COL4A3: variants seen among roughly 807,000 people sequenced by gnomAD.
COL4A3 encodes collagen type IV alpha 3 chain.
A neutral mutation model predicts 217.4 loss-of-function variants in COL4A3; 135 were observed. The ratio of observed to expected loss-of-function variants is 0.62; its 90% CI spans 0.54 to 0.72. The LOEUF is 0.72. Among genes scored for constraint, COL4A3 ranks in the 30% least tolerant of loss-of-function variants. The probability of loss-of-function intolerance (pLI) is 0.00; values close to 1 mark genes in which losing one functional copy is unlikely to be tolerated. For synonymous variants in COL4A3, 690 were observed against 736.3 expected (o/e 0.94, Z 1.02); for missense variants, 1,868 against 2,119.9 (o/e 0.88, Z 2.33).
intron 1 of COL4A3, among the ~76,000 whole-genome samples, chr2:227,184,727 A>C (rs2065961429): frequency 2.6e-5 from 4 of 152,184 alleles, no homozygotes; most frequent in Admixed American, 2.6e-4. Flanking sequence ...ACATAACAAA[A>C]TTTGATTATG....
In COL4A3 at chr2:227,164,718, G is replaced by C; in HGVS notation, c.-9G>C. 6.5e-7 allele frequency: 1 copy of C among 1,530,566 alleles called. No homozygotes were observed. Among genetic ancestry groups the C allele is most frequent in the Non-Finnish European group, 8.7e-7 (1 of 1,145,232 alleles). The allele number at this position is 1,530,566 out of a possible 1,614,324, so 94.8% of individuals were successfully genotyped here. A position where few individuals can be genotyped will look rare whatever the true frequency, so the allele number is the denominator to read the frequency against. ...CCGGACTCGCCCAGGCTCTGAGCGC[G>C]CGCCCACCATGAGCGCCCGGACCGC... On this transcript the variant is annotated 5_prime_UTR_variant, in exon 1 of 52. Transcript: ENST00000396578. This position sits in a 1 kb window ranked among gnomAD's most constrained non-coding sequence, Gnocchi z 4.8.
intron 1 of COL4A3, among the ~76,000 whole-genome samples, chr2:227,194,426 G>A: frequency 6.6e-6 from 1 of 152,062 alleles, no homozygotes; most frequent in Non-Finnish European, 1.5e-5. Flanking sequence ...GCCCTGCAGG[G>A]AGGGAGCCAG....
intron 1 of COL4A3, among the ~76,000 whole-genome samples, chr2:227,195,337 C>G (rs560943966): frequency 1.2e-3 from 190 of 152,136 alleles, no homozygotes; most frequent in African/African-American, 4.4e-3. Flanking sequence ...AATAAAAACT[C>G]AGTATAATCA....
chr2:227,284,388 C>A (rs1489920733), intron 34 of COL4A3, 43 bp downstream of exon 34: 1 of 1,595,118 alleles, frequency 6.3e-7, no homozygotes, highest in East Asian at 2.2e-5. Flanking sequence ...AGAGCTGATT[C>A]TCAGGCTAAT....
At chr2:227,215,407 A>G (rs2067488224) in intron 1 of COL4A3, among the ~76,000 whole-genome samples, 1 of 152,100 alleles carries the variant, frequency 6.6e-6, no homozygotes, top group African/African-American at 2.4e-5. Flanking sequence ...CTGTATTGAT[A>G]TGGCACAAGG....
At chr2:227,185,225 G>A (rs1378164362) in intron 1 of COL4A3, among the ~76,000 whole-genome samples, 2 of 152,242 alleles carry the variant, frequency 1.3e-5, no homozygotes, top group Non-Finnish European at 2.9e-5. Flanking sequence ...GCATTAGGTT[G>A]CAATTCTTTT....
intron 34 of COL4A3, among the ~76,000 whole-genome samples, chr2:227,285,277 T>TA (rs764697409): frequency 0.064 from 4,651 of 72,322 alleles, 472 homozygotes; most frequent in East Asian, 0.15. Context: ...CTGCCAAACC[T>TA]AAAAAAAAAA....
intron 1 of COL4A3, among the ~76,000 whole-genome samples, chr2:227,182,295 C>T (rs536223630): frequency 5.8e-4 from 89 of 152,308 alleles, no homozygotes; most frequent in Non-Finnish European, 9.1e-4. Flanking sequence ...CACCCACTCA[C>T]GACAGCTATG....
At chr2:227,248,261 G>C (rs2069472481) in intron 8 of COL4A3, 182 bp from the exon 9 acceptor site, 1 of 597,300 alleles carries the variant, frequency 1.7e-6, no homozygotes. Flanking sequence ...TTTGATTTTA[G>C]AAAATATGAA....
At chr2:227,229,418 A>C (rs1487701947) in intron 1 of COL4A3, among the ~76,000 whole-genome samples, 1 of 152,224 alleles carries the variant, frequency 6.6e-6, no homozygotes, top group Admixed American at 6.5e-5. Context: ...AATATGAGTT[A>C]ATTCATTTAT....
chr2:227,238,070 G>T, intron 2 of COL4A3, 46 bp downstream of exon 2: 1 of 1,291,352 alleles, frequency 7.7e-7, no homozygotes, highest in South Asian at 1.2e-5. Context: ...TAAAGCTCTA[G>T]AAGGTAAAAC....
At chr2:227,263,703 C>T in intron 20 of COL4A3, 77 bp from the exon 21 acceptor site, 1 of 1,372,700 alleles carries the variant, frequency 7.3e-7, no homozygotes, top group South Asian at 1.3e-5. Context: ...AAAATTAAAT[C>T]ACTCTTGCAA....
intron 5 of COL4A3, chr2:227,245,653 T>A: frequency 2.2e-6 from 1 of 459,414 alleles, no homozygotes; most frequent in Non-Finnish European, 4.0e-6. Context: ...TTTCCTCTTC[T>A]TTTTCCCTTC....
chr2:227,231,900 T>A (rs1197283085), intron 1 of COL4A3, among the ~76,000 whole-genome samples: 1 of 77,140 alleles, frequency 1.3e-5, no homozygotes, highest in African/African-American at 4.5e-5. Flanking sequence ...CCAAATAGTC[T>A]TATTCATTCT....
chr2:227,212,761 G>C (rs192141671), intron 1 of COL4A3, among the ~76,000 whole-genome samples: 98 of 152,278 alleles, frequency 6.4e-4, no homozygotes, highest in African/African-American at 2.1e-3. Context: ...CATTTTTTAT[G>C]ACTCTTGGAC....
chr2:227,237,427 T>C (rs1017855505), intron 1 of COL4A3, among the ~76,000 whole-genome samples: 6 of 152,162 alleles, frequency 3.9e-5, no homozygotes, highest in Non-Finnish European at 8.8e-5. Context: ...GGCAAAAAAA[T>C]TGTCCAAGTA....
At chr2:227,261,851 G>A (rs981902591) in intron 20 of COL4A3, among the ~76,000 whole-genome samples, 12 of 152,130 alleles carry the variant, frequency 7.9e-5, no homozygotes, top group Non-Finnish European at 5.9e-5. Flanking sequence ...CTAAACTTTC[G>A]TCTCTGACTC....
At chr2:227,172,012 G>A (rs1295039986) in intron 1 of COL4A3, among the ~76,000 whole-genome samples, 1 of 152,178 alleles carries the variant, frequency 6.6e-6, no homozygotes, top group Non-Finnish European at 1.5e-5. Flanking sequence ...AGCATGCGCA[G>A]TGTGTTCACT....
At chr2:227,181,559 A>G (rs1237273405) in intron 1 of COL4A3, among the ~76,000 whole-genome samples, 1 of 152,254 alleles carries the variant, frequency 6.6e-6, no homozygotes, top group Non-Finnish European at 1.5e-5. Flanking sequence ...AAACTATAAA[A>G]CAAAAATAAC....
Sources: gnomAD v4.1 joint callset for allele counts (sites outside exome capture counted in the v4.1 genomes callset) on GRCh38, gnomAD v4.1.1 for gene constraint, Gnocchi (gnomAD v3.1) non-coding constraint, MANE v1.5 for transcripts, NCBI Gene and HGNC (gene_info 2026-07-23, HGNC 2026-07-21) for gene names.